ANO10: variants seen among roughly 807,000 people sequenced by gnomAD.
ANO10 encodes anoctamin-10.
In ANO10, 77 loss-of-function variants were observed where a neutral mutation model predicts 74.7. The observed-to-expected ratio is 1.03, with a 90% confidence interval of 0.86 to 1.25. The LOEUF is 1.25. Among genes scored for constraint, ANO10 ranks in the 50% most tolerant of loss-of-function variants. ANO10 has a pLI of 0.00. For synonymous variants in ANO10, 279 were observed against 284.9 expected (o/e 0.98, Z 0.21); for missense variants, 721 against 778.1 (o/e 0.93, Z 0.87).
At chr3:43,386,240 C>A (rs1037829671) in intron 12 of ANO10, among the ~76,000 whole-genome samples, 7 of 151,942 alleles carry the variant, frequency 4.6e-5, no homozygotes, top group East Asian at 1.9e-4. Context: ...TGGCTGATGG[C>A]CACTCCTCTC....
chr3:43,420,224 T>C (rs555044096), intron 12 of ANO10, among the ~76,000 whole-genome samples: 18 of 152,266 alleles, frequency 1.2e-4, no homozygotes, highest in Non-Finnish European at 2.1e-4. Context: ...GGAGGGTGGA[T>C]TGCTTGAGCC....
chr3:43,413,865 A>G (rs1422611886), intron 12 of ANO10, among the ~76,000 whole-genome samples: 1 of 151,644 alleles, frequency 6.6e-6, no homozygotes, highest in Non-Finnish European at 1.5e-5. Flanking sequence ...CACAGGCCCC[A>G]CCACAGTCAG....
chr3:43,403,637 G>A (rs1105263), intron 12 of ANO10, among the ~76,000 whole-genome samples: 7,803 of 152,260 alleles, frequency 0.051, 539 homozygotes, highest in African/African-American at 0.16. Context: ...GCATTTTCCT[G>A]TACTTCACAC....
At chr3:43,545,203 A>G (rs2079129549) in intron 11 of ANO10, among the ~76,000 whole-genome samples, 2 of 152,198 alleles carry the variant, frequency 1.3e-5, no homozygotes, top group African/African-American at 4.8e-5. Context: ...ATATGCTACT[A>G]GCAAAACTTT....
chr3:43,392,755 T>C (rs1271306900), intron 12 of ANO10, among the ~76,000 whole-genome samples: 1 of 152,104 alleles, frequency 6.6e-6, no homozygotes, highest in Non-Finnish European at 1.5e-5. Context: ...TCAGTCGACA[T>C]TCTATTTCTC....
chr3:43,513,817 T>G (rs1302790436), intron 11 of ANO10, among the ~76,000 whole-genome samples: 1 of 152,046 alleles, frequency 6.6e-6, no homozygotes, highest in African/African-American at 2.4e-5. Context: ...AGCCACACAC[T>G]TCTATGATTT....
At chr3:43,687,077 T>G (rs867985473) in intron 1 of ANO10, among the ~76,000 whole-genome samples, 2 of 152,090 alleles carry the variant, frequency 1.3e-5, no homozygotes, top group Non-Finnish European at 2.9e-5. Flanking sequence ...GCTACCACTT[T>G]CCCTTATCAT....
At chr3:43,691,535 C>T (rs2084385334) in exon 1 of ANO10, 1 of 152,436 alleles carries the variant, frequency 6.6e-6, no homozygotes, top group Non-Finnish European at 1.5e-5. Context: ...TGTCCAGCCT[C>T]AGCCACTGGA....
At chr3:43,412,530 C>T (rs2092681955) in intron 12 of ANO10, among the ~76,000 whole-genome samples, 1 of 152,190 alleles carries the variant, frequency 6.6e-6, no homozygotes, top group African/African-American at 2.4e-5. Flanking sequence ...TGTTCCCATT[C>T]CAGAGTGCGC....
chr3:43,605,921 T>C (rs936794250), intron 1 of ANO10, 58 bp from the exon 2 acceptor site: 13 of 1,565,156 alleles, frequency 8.3e-6, no homozygotes, highest in South Asian at 1.1e-5. Flanking sequence ...AAGAGAAATA[T>C]GCTATAGACT....
chr3:43,435,483 T>C (rs924076205), intron 11 of ANO10, among the ~76,000 whole-genome samples: 3 of 146,092 alleles, frequency 2.1e-5, no homozygotes, highest in African/African-American at 7.6e-5. Context: ...CACTCCAGCC[T>C]GGGTGACAGA....
Position 43,600,525 on chromosome 3 carries a change from T to C in ANO10, c.196A>G (p.Asn66Asp). ...GCACCAACAAGATATAAGTTCTGAT[T>C]TTCTAGTGTTTCTTGTTCATATTTA... ...LNKYEQETLE[N>D]QNLYLVGASK... The change falls in exon 3 of 13, where the codon AAT becomes GAT. Residue 66 changes from asparagine (N) to aspartate (D), a missense_variant. Physicochemically the swap from Asn to Asp is conservative, Grantham distance 23. Coordinates refer to ENST00000292246, the MANE Select transcript of ANO10 (RefSeq NM_018075.5). The C allele has an allele frequency of 4.3e-6, 7 of 1,613,856 alleles. No homozygotes were observed. The highest frequency in any genetic ancestry group is 5.9e-6 in the Non-Finnish European group (7 of 1,179,724).
chr3:43,676,830 A>G (rs1400479234), intron 1 of ANO10, among the ~76,000 whole-genome samples: 2 of 150,726 alleles, frequency 1.3e-5, no homozygotes, highest in Non-Finnish European at 2.9e-5. Context: ...AATTAAATTA[A>G]CCAGATAATT....
At chr3:43,620,557 T>C (rs1287366288) in intron 1 of ANO10, among the ~76,000 whole-genome samples, 4 of 152,054 alleles carry the variant, frequency 2.6e-5, no homozygotes, top group Admixed American at 1.3e-4. Context: ...GTGGGAGGAT[T>C]ACCTGAGGTC....
chr3:43,661,386 A>T (rs1428388731), intron 1 of ANO10, among the ~76,000 whole-genome samples: 1 of 151,938 alleles, frequency 6.6e-6, no homozygotes, highest in East Asian at 1.9e-4. Flanking sequence ...GGCCTGCCTT[A>T]CAAGAGCTCC....
chr3:43,449,425 C>T (rs4682889), intron 11 of ANO10, among the ~76,000 whole-genome samples: 149,202 of 151,990 alleles, frequency 0.98, 73,300 homozygotes, highest in East Asian at 1. Flanking sequence ...TCTTATCTTC[C>T]AGAAGTTTTA....
chr3:43,661,340 C>G (rs2083924238), intron 1 of ANO10, among the ~76,000 whole-genome samples: 1 of 152,200 alleles, frequency 6.6e-6, no homozygotes, highest in Admixed American at 6.5e-5. Context: ...AAATGCTTTA[C>G]AGACGAGCAA....
At chr3:43,372,624 G>A (rs933122683) in intron 12 of ANO10, 10 of 490,186 alleles carry the variant, frequency 2.0e-5, no homozygotes, top group Admixed American at 3.3e-5. Context: ...CTCCTCCCCC[G>A]TCACCATCCC....
At chr3:43,659,533 T>C (rs1318234198) in intron 1 of ANO10, among the ~76,000 whole-genome samples, 1 of 152,168 alleles carries the variant, frequency 6.6e-6, no homozygotes, top group African/African-American at 2.4e-5. Flanking sequence ...GAGGCTTCAG[T>C]AGGTGGTTCT....
Sources: allele counts gnomAD v4.1 joint callset (sites outside exome capture counted in the v4.1 genomes callset), GRCh38; gene constraint gnomAD v4.1.1; transcripts MANE v1.5; gene names NCBI Gene and HGNC (gene_info 2026-07-23, HGNC 2026-07-21).